Variants in CMC1 observed in about 807,000 individuals in gnomAD.
CMC1 encodes C-X9-C motif containing 1, also known as COX assembly mitochondrial protein homolog.
A neutral mutation model predicts 14.1 loss-of-function variants in CMC1; 14 were observed. That is an observed-to-expected ratio of 0.99 (90% CI 0.66 to 1.55). The LOEUF is 1.55. Ranked by LOEUF, CMC1 falls within the 40% of genes most tolerant of loss-of-function variation. The pLI is 0.00. For synonymous variants in CMC1, 50 were observed against 38.4 expected, an observed-to-expected ratio of 1.30 and a Z score of -1.12; for missense variants, 127 against 123.8, an observed-to-expected ratio of 1.03 and a Z score of -0.12.
intron 2 of CMC1, among the ~76,000 whole-genome samples, chr3:28,303,034 T>C (rs1286800772): frequency 6.6e-6 from 1 of 152,222 alleles, no homozygotes; most frequent in African/African-American, 2.4e-5. Flanking sequence ...CTTGGAAATA[T>C]GATGTAGCCT....
At chr3:28,263,578 T>A (rs1699842636) in intron 2 of CMC1, among the ~76,000 whole-genome samples, 198 bp downstream of exon 2, 1 of 152,140 alleles carries the variant, frequency 6.6e-6, no homozygotes, top group African/African-American at 2.4e-5. Context: ...AATATTTCCC[T>A]AAATTACTAG....
intron 1 of CMC1, among the ~76,000 whole-genome samples, chr3:28,256,827 G>T (rs900945833): frequency 6.6e-6 from 1 of 152,060 alleles, no homozygotes; most frequent in East Asian, 1.9e-4. Flanking sequence ...TAGCCAGCAA[G>T]AATTAAAAAA....
chr3:28,266,824 C>A (rs999454494), intron 2 of CMC1, among the ~76,000 whole-genome samples: 3 of 152,090 alleles, frequency 2.0e-5, no homozygotes, highest in Non-Finnish European at 4.4e-5. Flanking sequence ...AGTATTCTTT[C>A]TTTGCTAGTG....
At chr3:28,262,359 C>T (rs1000076939) in intron 1 of CMC1, among the ~76,000 whole-genome samples, 7 of 151,932 alleles carry the variant, frequency 4.6e-5, no homozygotes, top group African/African-American at 1.5e-4. Flanking sequence ...ATCTTCTTTC[C>T]TATATTCTTT....
chr3:28,263,278 T>A lies in CMC1; in HGVS notation c.20-13T>A. On this transcript the variant is annotated splice_polypyrimidine_tract_variant and intron_variant, in intron 1 of 3. Transcript: ENST00000466830. Reference sequence around the variant, plus strand: ...CTTGAGACTTTATTAAAGAAAGATCTTTTTTTTTTCAGACCAGCATCTCAG... The same window carrying A: ...CTTGAGACTTTATTAAAGAAAGATCATTTTTTTTTCAGACCAGCATCTCAG... 7.4e-7 allele frequency: 1 copy of A among 1,357,658 alleles called. No homozygotes were observed. The highest frequency in any genetic ancestry group is 1.0e-6 in the Non-Finnish European group (1 of 993,170). 84.1% of individuals were successfully genotyped at this position (1,357,658 alleles called of 1,614,324 possible). A position where few individuals can be genotyped will look rare whatever the true frequency, so the allele number is the denominator to read the frequency against.
intron 2 of CMC1, among the ~76,000 whole-genome samples, chr3:28,290,596 T>G (rs11709034): frequency 0.53 from 79,896 of 151,806 alleles, 21,440 homozygotes; most frequent in African/African-American, 0.56. Context: ...AGCTTAACTG[T>G]GATATATCTT....
Position 28,324,542 on chromosome 3 carries a change from A to G in CMC1, c.*4913A>G, listed in dbSNP as rs1029030866. The G allele has an allele frequency of 7.9e-5, 94 of 1,194,566 alleles. No homozygotes were observed. The highest frequency in any genetic ancestry group is 1.0e-4 in the Non-Finnish European group (90 of 900,430). 74.0% of individuals were successfully genotyped at this position (1,194,566 alleles called of 1,614,324 possible). A position where few individuals can be genotyped will look rare whatever the true frequency, so the allele number is the denominator to read the frequency against. The stretch of plus-strand genomic sequence containing the variant: ...ACACTTCACCAATTTGAATTCTAGA[A>G]CTGGTGATGAAATTAAGATTTCCAA... On this transcript the variant is annotated 3_prime_UTR_variant, in exon 4 of 4. Transcript: ENST00000466830.
chr3:28,303,089 G>C (rs552772680), intron 2 of CMC1, among the ~76,000 whole-genome samples: 1 of 152,266 alleles, frequency 6.6e-6, no homozygotes, highest in South Asian at 2.1e-4. Context: ...GATAAAAATA[G>C]TGCTTACTTG....
At chr3:28,295,885 G>C (rs1701716789) in intron 2 of CMC1, among the ~76,000 whole-genome samples, 1 of 151,772 alleles carries the variant, frequency 6.6e-6, no homozygotes, top group Non-Finnish European at 1.5e-5. Flanking sequence ...GGTATTTATT[G>C]GGGGGGAAAA....
chr3:28,264,106 A>T (rs557129286), intron 2 of CMC1, among the ~76,000 whole-genome samples: 7 of 152,280 alleles, frequency 4.6e-5, no homozygotes, highest in Admixed American at 2.6e-4. Flanking sequence ...AAATATCTTT[A>T]AAAAATTCTG....
At chr3:28,251,807 A>G (rs982763605) in intron 1 of CMC1, among the ~76,000 whole-genome samples, 3 of 150,540 alleles carry the variant, frequency 2.0e-5, no homozygotes, top group Admixed American at 1.3e-4. Context: ...ATATTACACA[A>G]TCTTCTAGAT....
At chr3:28,307,847 C>T (rs1459293030) in intron 2 of CMC1, among the ~76,000 whole-genome samples, 1 of 152,150 alleles carries the variant, frequency 6.6e-6, no homozygotes, top group Non-Finnish European at 1.5e-5. Flanking sequence ...TCTCACTGGG[C>T]TAAAATCAAG....
intron 2 of CMC1, among the ~76,000 whole-genome samples, chr3:28,308,369 T>G (rs1034762252): frequency 6.6e-6 from 1 of 152,218 alleles, no homozygotes; most frequent in African/African-American, 2.4e-5. Context: ...AATGGAAGCT[T>G]TATTTCACTA....
intron 2 of CMC1, chr3:28,315,854 A>G (rs1166629431): frequency 6.5e-6 from 1 of 152,698 alleles, no homozygotes; most frequent in African/African-American, 2.4e-5. Context: ...AATAGCCTAG[A>G]TATCTACTCA....
intron 1 of CMC1, among the ~76,000 whole-genome samples, chr3:28,262,354 C>A (rs1295788022): frequency 6.6e-6 from 1 of 152,016 alleles, no homozygotes; most frequent in Non-Finnish European, 1.5e-5. Flanking sequence ...CTAAAATCTT[C>A]TTTCCTATAT....
At chr3:28,304,724 G>A (rs771429681) in intron 2 of CMC1, among the ~76,000 whole-genome samples, 2 of 152,106 alleles carry the variant, frequency 1.3e-5, no homozygotes, top group African/African-American at 2.4e-5. Context: ...TGAAGACAAT[G>A]ACTTTAGAAA....
chr3:28,273,735 A>G (rs1213187488), intron 2 of CMC1, among the ~76,000 whole-genome samples: 1 of 152,128 alleles, frequency 6.6e-6, no homozygotes, highest in Non-Finnish European at 1.5e-5. Flanking sequence ...GTGGGAGTCT[A>G]AGTCTCTTTG....
rs150556009 is a variant in CMC1, at chr3:28,261,065, G to C, written c.20-2226G>C. On this transcript the variant is annotated intron_variant, in intron 1 of 3. Transcript: ENST00000466830. ...TAGGTAGAGTATTCTATAAATGTTAGTTAGGTCAAGTTAGTTGATAATGTT... is the reference window on the plus strand; with the variant it reads ...TAGGTAGAGTATTCTATAAATGTTACTTAGGTCAAGTTAGTTGATAATGTT... Among the ~76,000 whole-genome samples, 606 of 152,224 alleles carry C rather than the reference G, an allele frequency of 4.0e-3. 4 individuals are homozygous for C. Among genetic ancestry groups the C allele is most frequent in the African/African-American group, 0.014 (579 of 41,548 alleles).
chr3:28,318,548 G>C (rs1703050382), intron 3 of CMC1: 1 of 151,920 alleles, frequency 6.6e-6, no homozygotes, highest in African/African-American at 2.4e-5. Context: ...ACTATAGAAA[G>C]TAACATTTGT....
Sources: allele counts gnomAD v4.1 joint callset (sites outside exome capture counted in the v4.1 genomes callset), GRCh38; gene constraint gnomAD v4.1.1; transcripts MANE v1.5; gene names NCBI Gene and HGNC (gene_info 2026-07-23, HGNC 2026-07-21).